SHPRH: variants seen among roughly 807,000 people sequenced by gnomAD.
The protein encoded by SHPRH is E3 ubiquitin-protein ligase SHPRH.
Under a neutral mutation model 202.5 loss-of-function variants are expected in SHPRH, and 106 were observed. That is an observed-to-expected ratio of 0.52 (90% CI 0.45 to 0.62). SHPRH has a LOEUF of 0.62. SHPRH is among the 20% of genes least tolerant of loss of function. The pLI is 0.00. For missense variants in SHPRH, 1,710 were observed against 2,020.0 expected (o/e 0.85, Z 2.94); for synonymous variants, 729 against 686.0 (o/e 1.06, Z -0.98).
At chr6:145,930,238 G>GT (rs1207074020) in intron 14 of SHPRH, among the ~76,000 whole-genome samples, 1 of 152,098 alleles carries the variant, frequency 6.6e-6, no homozygotes, top group Non-Finnish European at 1.5e-5. Flanking sequence ...GAGGCTTAAT[G>GT]TAAGAAGATT....
intron 2 of SHPRH, among the ~76,000 whole-genome samples, chr6:145,872,071 A>G (rs997280363): frequency 6.6e-6 from 1 of 152,192 alleles, no homozygotes; most frequent in Non-Finnish European, 1.5e-5. Context: ...ACTTACATGT[A>G]AAACCCCAAA....
At chr6:145,941,590 C>A in intron 10 of SHPRH, 33 bp downstream of exon 10, 1 of 1,609,472 alleles carries the variant, frequency 6.2e-7, no homozygotes, top group Admixed American at 1.7e-5. Context: ...CCCTTCTTCC[C>A]CAGCCCTCAA....
intron 20 of SHPRH, among the ~76,000 whole-genome samples, chr6:145,921,672 G>C (rs1345598270): frequency 6.6e-6 from 1 of 151,850 alleles, no homozygotes; most frequent in Non-Finnish European, 1.5e-5. Flanking sequence ...GGAAATATGT[G>C]AGGAAAATTT....
intron 25 of SHPRH, chr6:145,905,612 C>T (rs576325582): frequency 3.3e-5 from 5 of 152,238 alleles, no homozygotes; most frequent in Admixed American, 1.3e-4. Context: ...AATCCCTACA[C>T]ATCATTGCAT....
chr6:145,932,333 C>T (rs1401439982), intron 14 of SHPRH, among the ~76,000 whole-genome samples: 1 of 152,084 alleles, frequency 6.6e-6, no homozygotes, highest in Admixed American at 6.6e-5. Flanking sequence ...ACTACAATAA[C>T]AGGCAAAATA....
chr6:145,930,347 C>A (rs1785305962), intron 14 of SHPRH, among the ~76,000 whole-genome samples: 1 of 151,544 alleles, frequency 6.6e-6, no homozygotes, highest in Admixed American at 6.6e-5. Flanking sequence ...GCTGAAGTCT[C>A]CGATATGAAA....
Position 145,943,182 on chromosome 6 carries a change from C to T in SHPRH, c.2199G>A (p.Glu733=), listed in dbSNP as rs1786981565. The change falls in exon 9 of 30, where the codon GAG becomes GAA. Residue 733 remains glutamate, a synonymous_variant. Coordinates refer to ENST00000275233, the MANE Select transcript of SHPRH (RefSeq NM_001042683.3). Reference sequence around the variant, plus strand: ...ATGACGACCTCACATGCCTGTTGATCTCATCCACCCACTGGTGACAGATGG... The same window carrying T: ...ATGACGACCTCACATGCCTGTTGATTTCATCCACCCACTGGTGACAGATGG... ...PSSICHQWVD[E]INRHVRSSSL... is the part of the protein sequence containing the mutation. 6.2e-7 allele frequency: 1 copy of T among 1,610,756 alleles called. No homozygotes were observed. The highest frequency in any genetic ancestry group is 8.5e-7 in the Non-Finnish European group (1 of 1,178,072).
At chr6:145,913,581 T>G (rs751294116) in intron 23 of SHPRH, 32 bp from the exon 24 acceptor site, 1 of 1,553,258 alleles carries the variant, frequency 6.4e-7, no homozygotes, top group Non-Finnish European at 8.8e-7. Context: ...AATATATTAG[T>G]TACGTTTTTA....
At position 145,913,480 on chromosome 6, in the gene SHPRH, GT is replaced by G; in HGVS notation, c.4323del (p.Lys1441AsnfsTer6). 6.2e-7 allele frequency: 1 copy of G among 1,608,194 alleles called. No homozygotes were observed. Among genetic ancestry groups the G allele is most frequent in the Non-Finnish European group, 8.5e-7 (1 of 1,176,990 alleles). On this transcript the variant is annotated frameshift_variant, in exon 24 of 30. Coordinates refer to ENST00000275233, the MANE Select transcript of SHPRH (RefSeq NM_001042683.3). LOFTEE classifies it high-confidence loss of function. ...PCPICARQLG[K>X]QWAVLTCGHC... ...TGTGATGTTTATCATAATTTTACCTGTTTTCCTAGCTGTCGAGCACAGATTG... is the reference window on the plus strand; with the variant it reads ...TGTGATGTTTATCATAATTTTACCTGTTTCCTAGCTGTCGAGCACAGATTG...
chr6:145,890,405 C>T (rs1781473934), intron 28 of SHPRH, among the ~76,000 whole-genome samples: 1 of 152,180 alleles, frequency 6.6e-6, no homozygotes, highest in Admixed American at 6.6e-5. Context: ...ATCTAATGAT[C>T]AATTCTCAAT....
chr6:145,869,722 CT>C (rs1458932850), intron 2 of SHPRH, among the ~76,000 whole-genome samples: 1 of 151,832 alleles, frequency 6.6e-6, no homozygotes, highest in African/African-American at 2.4e-5. Flanking sequence ...GTCTTGATTA[CT>C]ATAGCTTTAT....
chr6:145,934,473 T>TAACTAAAATAAAATA (rs1554239355), intron 13 of SHPRH, among the ~76,000 whole-genome samples: 6 of 131,846 alleles, frequency 4.6e-5, no homozygotes, highest in African/African-American at 1.8e-4. Flanking sequence ...TCTCAAAAAA[T>TAACTAAAATAAAATA]AAATAAAATA....
chr6:145,872,591 G>T (rs143283741), intron 2 of SHPRH, among the ~76,000 whole-genome samples: 41 of 152,324 alleles, frequency 2.7e-4, no homozygotes, highest in African/African-American at 8.4e-4. Flanking sequence ...CTGTTGGTGG[G>T]AGTGTAAATT....
intron 17 of SHPRH, among the ~76,000 whole-genome samples, chr6:145,924,286 A>C (rs1048378553): frequency 9.7e-6 from 1 of 103,562 alleles, no homozygotes; most frequent in Non-Finnish European, 2.2e-5. Context: ...AAAAACTGAA[A>C]ATAAAAGTGT....
rs759003229 is a variant in SHPRH at position 145,935,345 on chromosome 6, G to A, written c.2666C>T (p.Pro889Leu). 1 of 1,613,882 alleles carries A rather than the reference G, an allele frequency of 6.2e-7. No homozygotes were observed. The highest frequency in any genetic ancestry group is 1.7e-5 in the Admixed American group (1 of 59,986). The change falls in exon 12 of 30, where the codon CCT (proline) becomes CTT (leucine). Residue 889 changes from proline to leucine, a missense_variant. Transcript: ENST00000275233. ...GGCAATAAAGCTGTAGAGATGCTGA[G>A]GATTCTTCTTGCAGTAAGGCCGATA... ...LLYRPYCKKN[P>L]QHLYSFIAKI...
chr6:145,928,533 G>T (rs942867283), intron 14 of SHPRH, among the ~76,000 whole-genome samples: 1 of 150,078 alleles, frequency 6.7e-6, no homozygotes, highest in Non-Finnish European at 1.5e-5. Context: ...GTTACAATGA[G>T]ATATATATAT....
At chr6:145,935,540 C>A (rs888768484) in intron 11 of SHPRH, 99 bp from the exon 12 acceptor site, 4 of 1,157,466 alleles carry the variant, frequency 3.5e-6, no homozygotes, top group Non-Finnish European at 4.8e-6. Flanking sequence ...ATAGAACTTT[C>A]CATGAATTAA....
intron 11 of SHPRH, among the ~76,000 whole-genome samples, chr6:145,936,754 T>G (rs968090749): frequency 1.3e-5 from 2 of 152,184 alleles, no homozygotes; most frequent in East Asian, 3.8e-4. Context: ...CTGAAGATGA[T>G]CAACAAATAT....
chr6:145,890,968 C>T (rs1432825489), intron 28 of SHPRH, among the ~76,000 whole-genome samples: 1 of 152,032 alleles, frequency 6.6e-6, no homozygotes, highest in East Asian at 1.9e-4. Context: ...TCACCTTCAG[C>T]TCTCACCAGG....
Sources: gnomAD v4.1 joint callset for allele counts (sites outside exome capture counted in the v4.1 genomes callset) on GRCh38, gnomAD v4.1.1 for gene constraint, MANE v1.5 for transcripts, NCBI Gene and HGNC (gene_info 2026-07-23, HGNC 2026-07-21) for gene names.